Variants in CUX1 observed in about 807,000 individuals in gnomAD.
CUX1 encodes protein CASP.
A neutral mutation model predicts 158.8 loss-of-function variants in CUX1; 31 were observed. That is an observed-to-expected ratio of 0.20 (90% CI 0.15 to 0.26). The LOEUF is 0.26. CUX1 is among the 10% of genes least tolerant of loss of function. The probability of loss-of-function intolerance (pLI) is 1.00; values close to 1 mark genes in which losing one functional copy is unlikely to be tolerated. For synonymous variants in CUX1, 879 were observed against 862.1 expected (o/e 1.02, Z -0.34); for missense variants, 1,589 against 2,014.6 (o/e 0.79, Z 4.04).
rs930291951 is a variant in CUX1 at position 102,227,737 on chromosome 7, C to T, written c.3433+68C>T. ...GTTTGCAGGAGGAGCAGGTGAAGGG[C>T]GGGCCCTAGGCCAAGCCAACCACAG... On this transcript the variant is annotated intron_variant, in intron 21 of 23. Transcript: ENST00000292535. 5.0e-5 allele frequency: 77 copies of T among 1,526,262 alleles called. No individual in the cohort carries two copies. In the African/African-American group the frequency reaches 6.4e-4, roughly 13 times the overall value. The allele number at this position is 1,526,262 out of a possible 1,614,324, so 94.5% of individuals were successfully genotyped here. A position where few individuals can be genotyped will look rare whatever the true frequency, so the allele number is the denominator to read the frequency against.
In CUX1 at chr7:102,204,474, A is replaced by C; in HGVS notation, c.2991A>C (p.Glu997Asp). 1 of 1,613,774 alleles carries C rather than the reference A, an allele frequency of 6.2e-7. No homozygotes were observed. The highest frequency in any genetic ancestry group is 8.5e-7 in the Non-Finnish European group (1 of 1,179,996). ...PWSKLTQKGR[E>D]PFIRMQLWLN... is the part of the protein sequence containing the mutation. Reference sequence around the variant, plus strand: ...GCAAGCTGACGCAGAAAGGCCGAGAACCCTTCATCCGGATGCAGCTCTGGC... The same window carrying C: ...GCAAGCTGACGCAGAAAGGCCGAGACCCCTTCATCCGGATGCAGCTCTGGC... The change falls in exon 19 of 24, where the codon GAA (glutamate) becomes GAC (aspartate). Residue 997 changes from glutamate (E) to aspartate (D), a missense_variant. Transcript: ENST00000292535.
intron 8 of CUX1, among the ~76,000 whole-genome samples, chr7:102,143,691 C>T (rs916352474): frequency 5.9e-5 from 9 of 152,194 alleles, no homozygotes; most frequent in Admixed American, 3.9e-4. Flanking sequence ...AGTGGGTAAA[C>T]GGGATTCCGG....
At chr7:102,121,350 T>G (rs1230690952) in intron 8 of CUX1, among the ~76,000 whole-genome samples, 2 of 147,092 alleles carry the variant, frequency 1.4e-5, no homozygotes, top group Non-Finnish European at 3.0e-5. Flanking sequence ...GCTTTTTGGT[T>G]TTTTTTTTTT....
intron 2 of CUX1, among the ~76,000 whole-genome samples, chr7:101,966,745 G>C (rs866751388): frequency 6.6e-6 from 1 of 152,112 alleles, no homozygotes; most frequent in Admixed American, 6.5e-5. Flanking sequence ...CTTGAGGGTC[G>C]TTACCCACGG....
intron 20 of CUX1, among the ~76,000 whole-genome samples, chr7:102,216,807 CCCACACACA>C (rs1797256738): frequency 4.3e-5 from 2 of 46,160 alleles, no homozygotes. Context: ...CACACACACC[CCCACACACA>C]CTCTCCCACC....
intron 20 of CUX1, among the ~76,000 whole-genome samples, chr7:102,221,368 T>G (rs1177325025): frequency 6.6e-6 from 1 of 152,198 alleles, no homozygotes; most frequent in Non-Finnish European, 1.5e-5. Context: ...CTTCCCACCT[T>G]CAAGCTGTTT....
chr7:101,959,975 C>G (rs538031084), intron 2 of CUX1: 3 of 152,310 alleles, frequency 2.0e-5, no homozygotes, highest in African/African-American at 7.2e-5. Context: ...GACTTTAATG[C>G]CATCGAGATG....
chr7:102,189,930 A>G, intron 12 of CUX1, 59 bp downstream of exon 12: 4 of 1,579,798 alleles, frequency 2.5e-6, no homozygotes, highest in Non-Finnish European at 3.5e-6. Context: ...GCCATCTGCT[A>G]ACAATGCCAG....
chr7:101,917,407 G>A (rs1451597200), intron 2 of CUX1, among the ~76,000 whole-genome samples: 1 of 152,174 alleles, frequency 6.6e-6, no homozygotes, highest in African/African-American at 2.4e-5. Context: ...TGGCCACAGA[G>A]CCAGCTAAGG....
chr7:102,128,503 G>A (rs1378400341), intron 8 of CUX1, among the ~76,000 whole-genome samples: 3 of 148,992 alleles, frequency 2.0e-5, no homozygotes, highest in African/African-American at 7.4e-5. Context: ...CTGTCCCCCA[G>A]CAGGGCCTGT....
chr7:101,968,407 A>C (rs1168120532), intron 2 of CUX1, among the ~76,000 whole-genome samples: 2 of 151,946 alleles, frequency 1.3e-5, no homozygotes, highest in Non-Finnish European at 2.9e-5. Flanking sequence ...CACATGGGGT[A>C]GGGGCATCAG....
At chr7:101,930,560 A>G (rs1806170585) in intron 2 of CUX1, among the ~76,000 whole-genome samples, 1 of 152,206 alleles carries the variant, frequency 6.6e-6, no homozygotes, top group Non-Finnish European at 1.5e-5. Context: ...TTGGCTTTTC[A>G]TTTTAACTTG....
chr7:102,224,596 C>T (rs1554528021), intron 20 of CUX1, among the ~76,000 whole-genome samples: 2 of 152,198 alleles, frequency 1.3e-5, no homozygotes, highest in Non-Finnish European at 2.9e-5. Context: ...GCTTTGATCT[C>T]AGGGGGCCTG....
intron 21 of CUX1, among the ~76,000 whole-genome samples, chr7:102,229,342 G>T (rs551884620): frequency 6.9e-6 from 1 of 143,932 alleles, no homozygotes; most frequent in Non-Finnish European, 1.5e-5. Context: ...TCACTCTGTC[G>T]CCCAGGCTGG....
At chr7:101,829,493 G>A (rs1452935228) in intron 1 of CUX1, among the ~76,000 whole-genome samples, 2 of 152,136 alleles carry the variant, frequency 1.3e-5, no homozygotes, top group African/African-American at 2.4e-5. Context: ...GGGAGTTGGG[G>A]TTACATCCCG....
chr7:102,123,810 G>C (rs1171609490), intron 8 of CUX1, among the ~76,000 whole-genome samples: 1 of 151,806 alleles, frequency 6.6e-6, no homozygotes, highest in African/African-American at 2.4e-5. Context: ...TCACAGGTGT[G>C]TACCACCACA....
intron 2 of CUX1, among the ~76,000 whole-genome samples, chr7:101,925,938 AAAACAAACAAAC>A (rs140430768): frequency 2.0e-5 from 3 of 151,452 alleles, no homozygotes; most frequent in South Asian, 2.1e-4. Flanking sequence ...CCCCCGTCTC[AAAACAAACAAAC>A]AAACAAACAA....
In CUX1 at chr7:102,195,553, C is replaced by G; in HGVS notation, c.1172C>G (p.Ser391Trp). ...LEVLLLEKNR[S>W]LQSENAALRI... ...GTGCTGTTGCTGGAGAAGAACCGCT[C>G]GCTGCAGTCCGAGAACGCCGCGCTG... Residue 391 changes from serine to tryptophan, a missense_variant, in exon 14 of 24, where the codon TCG becomes TGG. By Grantham distance (177) the Ser-to-Trp change is radical (BLOSUM62 -3). This residue lies in a region of CUX1 where 515 missense variants were observed against 574.4 expected (regional missense o/e 0.90). Coordinates refer to ENST00000292535, the MANE Select transcript of CUX1 (RefSeq NM_181552.4). 3.1e-6 allele frequency: 5 copies of G among 1,613,120 alleles called. No homozygotes were observed. The highest frequency in any genetic ancestry group is 4.2e-6 in the Non-Finnish European group (5 of 1,179,878).
intron 2 of CUX1, among the ~76,000 whole-genome samples, chr7:102,001,818 C>G (rs1454322536): frequency 2.0e-5 from 3 of 152,216 alleles, no homozygotes; most frequent in African/African-American, 7.2e-5. Flanking sequence ...ACATTCATCA[C>G]AGGTGTGCTC....
Sources: gnomAD v4.1 joint callset for allele counts (sites outside exome capture counted in the v4.1 genomes callset) on GRCh38, gnomAD v4.1.1 for gene constraint, gnomAD v4.1.1 regional missense constraint, MANE v1.5 for transcripts, NCBI Gene and HGNC (gene_info 2026-07-23, HGNC 2026-07-21) for gene names.